Variants in ZC3H18 observed in about 807,000 individuals in gnomAD.
ZC3H18 encodes zinc finger CCCH domain-containing protein 18.
A neutral mutation model predicts 106.1 loss-of-function variants in ZC3H18; 8 were observed. The ratio of observed to expected loss-of-function variants is 0.08; its 90% CI spans 0.04 to 0.14. The LOEUF is 0.14. ZC3H18 is among the 10% of genes least tolerant of loss of function. The probability of loss-of-function intolerance (pLI) is 1.00; values close to 1 mark genes in which losing one functional copy is unlikely to be tolerated. For missense variants in ZC3H18, 1,318 were observed against 1,278.4 expected (o/e 1.03, Z -0.47); for synonymous variants, 635 against 522.1 (o/e 1.22, Z -2.95).
At position 88,598,206 on chromosome 16, in the gene ZC3H18, G is replaced by C; in HGVS notation, c.717G>C (p.Arg239Ser). 1 of 1,612,784 alleles carries C rather than the reference G, an allele frequency of 6.2e-7. No homozygotes were observed. The highest frequency in any genetic ancestry group is 8.5e-7 in the Non-Finnish European group (1 of 1,179,748). Residue 239 changes from arginine (R) to serine (S), a missense_variant, in exon 4 of 18, where the codon AGG (arginine) becomes AGC (serine). Physicochemically the swap from Arg to Ser is moderately radical, Grantham distance 110 (BLOSUM62 -1). This residue lies in a region of ZC3H18 where 30 missense variants were observed against 63.3 expected (regional missense o/e 0.47). Coordinates refer to ENST00000301011, the MANE Select transcript of ZC3H18 (RefSeq NM_144604.4). ...ACTGTACCTGGGGAATGAATTGTAG[G>C]TTTATACACCCTGGAGTGAACGACA... is the stretch of plus-strand genomic sequence containing the variant. The part of the protein sequence containing the change: ...KGNCTWGMNC[R>S]FIHPGVNDKG...
chr16:88,630,378 T>C, intron 16 of ZC3H18, 107 bp from the exon 17 acceptor site: 1 of 782,968 alleles, frequency 1.3e-6, no homozygotes, highest in Non-Finnish European at 2.1e-6. Context: ...GGTGGTGAAC[T>C]AAGCAGCCTC....
intron 3 of ZC3H18, among the ~76,000 whole-genome samples, chr16:88,590,560 A>ATTTTT (rs1915685593): frequency 1.2e-4 from 3 of 24,118 alleles, no homozygotes; most frequent in African/African-American, 2.8e-4. Flanking sequence ...GGGTTTCTTT[A>ATTTTT]TTTCTTTTTT....
chr16:88,622,136 A>G, intron 8 of ZC3H18, 61 bp from the exon 9 acceptor site: 3 of 1,543,618 alleles, frequency 1.9e-6, no homozygotes. Context: ...CTGCTGTCAC[A>G]CCTGGCATTG....
intron 2 of ZC3H18, among the ~76,000 whole-genome samples, chr16:88,579,865 C>T (rs1053109346): frequency 6.6e-6 from 1 of 152,202 alleles, no homozygotes; most frequent in African/African-American, 2.4e-5. Flanking sequence ...GTGGACCTTG[C>T]TGTGCCACAT....
chr16:88,583,454 G>T (rs1915255644), intron 2 of ZC3H18, among the ~76,000 whole-genome samples: 1 of 152,240 alleles, frequency 6.6e-6, no homozygotes, highest in Non-Finnish European at 1.5e-5. Flanking sequence ...GCCCCGTGGT[G>T]CAAAGGGGAA....
At chr16:88,625,353 C>T (rs907690280) in intron 13 of ZC3H18, 86 bp downstream of exon 13, 23 of 1,507,760 alleles carry the variant, frequency 1.5e-5, no homozygotes, top group Non-Finnish European at 2.0e-5. Context: ...GTTGGGCTGT[C>T]TCCCACAGGT....
intron 8 of ZC3H18, among the ~76,000 whole-genome samples, chr16:88,612,183 G>T (rs530583594): frequency 6.6e-6 from 1 of 152,340 alleles, no homozygotes; most frequent in Non-Finnish European, 1.5e-5. Context: ...TTGACTGTTA[G>T]AGCAGAATGG....
Position 88,571,147 on chromosome 16 carries a change from A to G in ZC3H18, c.-15+581A>G, listed in dbSNP as rs1028797500. Among the ~76,000 whole-genome samples, 4 of 152,236 alleles carry G rather than the reference A, an allele frequency of 2.6e-5. No individual in the cohort carries two copies. In the South Asian group the frequency reaches 8.3e-4, roughly 32 times the overall value. On this transcript the variant is annotated intron_variant, in intron 1 of 17. Transcript: ENST00000301011. ...GGTGCTGGGTCCTTTATATAGACCA[A>G]CTGCAGCTATAATGCTGGAAGAACT...
chr16:88,623,723 G>A (rs1486913170), intron 10 of ZC3H18: 3 of 666,980 alleles, frequency 4.5e-6, no homozygotes, highest in Admixed American at 6.8e-5. Flanking sequence ...ACATGAACGT[G>A]ACACTCGCCT....
chr16:88,603,645 C>T (rs1180800744), intron 6 of ZC3H18, among the ~76,000 whole-genome samples: 3 of 137,762 alleles, frequency 2.2e-5, no homozygotes, highest in Admixed American at 1.5e-4. Flanking sequence ...TTTTTTGAGA[C>T]GGAGTCTGGC....
At chr16:88,629,702 G>A (rs557643694) in intron 16 of ZC3H18, among the ~76,000 whole-genome samples, 52 of 152,300 alleles carry the variant, frequency 3.4e-4, no homozygotes, top group Non-Finnish European at 5.6e-4. Context: ...GGGCCTCGGG[G>A]ACCCCCAGCC....
At chr16:88,576,094 G>A (rs897337253) in intron 1 of ZC3H18, among the ~76,000 whole-genome samples, 3 of 152,274 alleles carry the variant, frequency 2.0e-5, no homozygotes, top group East Asian at 3.9e-4. Context: ...TAGAGACGGG[G>A]TTTCACCGTG....
At position 88,598,936 on chromosome 16, in the gene ZC3H18, T is replaced by G. The variant is rs193121738; in HGVS notation, c.930+224T>G. Among the ~76,000 whole-genome samples, 377 of 152,340 alleles carry G rather than the reference T, an allele frequency of 2.5e-3. 6 individuals carry two copies. In the South Asian group the frequency reaches 0.042, roughly 17 times the overall value. ...GTGCAATGGCCCAAACTCGACTCACTGCAGCCTCCGCCTCCCAGGTTCATG... is the reference window on the plus strand; with the variant it reads ...GTGCAATGGCCCAAACTCGACTCACGGCAGCCTCCGCCTCCCAGGTTCATG... On this transcript the variant is annotated intron_variant, in intron 5 of 17. Coordinates refer to ENST00000301011, the MANE Select transcript of ZC3H18 (RefSeq NM_144604.4).
At chr16:88,584,464 G>C (rs956360179) in intron 2 of ZC3H18, among the ~76,000 whole-genome samples, 12 of 151,378 alleles carry the variant, frequency 7.9e-5, no homozygotes, top group African/African-American at 2.7e-4. Context: ...TTATTTAAAA[G>C]ACCATTGTGC....
chr16:88,589,437 A>G (rs1381228428), intron 3 of ZC3H18, among the ~76,000 whole-genome samples: 1 of 152,264 alleles, frequency 6.6e-6, no homozygotes, highest in African/African-American at 2.4e-5. Flanking sequence ...GAATGGATAA[A>G]CAAGTGTGGC....
intron 8 of ZC3H18, among the ~76,000 whole-genome samples, chr16:88,616,563 A>G (rs1044302929): frequency 3.9e-5 from 6 of 152,230 alleles, no homozygotes; most frequent in African/African-American, 1.4e-4. Context: ...TCCCCAGCGC[A>G]GAATTTCCAG....
intron 4 of ZC3H18, 102 bp downstream of exon 4, chr16:88,598,428 G>A: frequency 6.6e-7 from 1 of 1,514,736 alleles, no homozygotes; most frequent in Non-Finnish European, 8.9e-7. Flanking sequence ...CAGGCTCAGT[G>A]CCCCCTTTCG....
chr16:88,631,515 CACAG>C lies in ZC3H18; in HGVS notation c.*221_*224del. 1 of 685,716 alleles carries C rather than the reference CACAG, an allele frequency of 1.5e-6. No individual in the cohort carries two copies. The highest frequency in any genetic ancestry group is 2.6e-6 in the Non-Finnish European group (1 of 388,012). 42.5% of individuals were successfully genotyped at this position (685,716 alleles called of 1,614,324 possible). A position where few individuals can be genotyped will look rare whatever the true frequency, so the allele number is the denominator to read the frequency against. ...GCAGAAGTCCCGCAGGACAGACAGACACAGACAGCGCTAGTGACCAGCACGGTTC... is the reference window on the plus strand; with the variant it reads ...GCAGAAGTCCCGCAGGACAGACAGACACAGCGCTAGTGACCAGCACGGTTC... On this transcript the variant is annotated 3_prime_UTR_variant, in exon 18 of 18. Transcript: ENST00000301011.
At chr16:88,604,692 A>G (rs1254186015) in intron 6 of ZC3H18, among the ~76,000 whole-genome samples, 1 of 152,202 alleles carries the variant, frequency 6.6e-6, no homozygotes, top group Non-Finnish European at 1.5e-5. Flanking sequence ...TCTCAAAGAA[A>G]AAAAAAGAAA....
Sources: gnomAD v4.1 joint callset for allele counts (sites outside exome capture counted in the v4.1 genomes callset) on GRCh38, gnomAD v4.1.1 for gene constraint, gnomAD v4.1.1 regional missense constraint, MANE v1.5 for transcripts, NCBI Gene and HGNC (gene_info 2026-07-23, HGNC 2026-07-21) for gene names.